UBE2Q2: variants seen among roughly 807,000 people sequenced by gnomAD.
UBE2Q2 encodes the protein ubiquitin-conjugating enzyme E2 Q2.
Under a neutral mutation model 59.9 loss-of-function variants are expected in UBE2Q2, and 54 were observed. The observed-to-expected ratio is 0.90, with a 90% CI of 0.72 to 1.13. UBE2Q2 has a LOEUF of 1.13. UBE2Q2 is among the 50% of genes most tolerant of loss of function. The pLI is 0.00. For missense variants in UBE2Q2, 433 were observed against 441.9 expected (o/e 0.98, Z 0.18); for synonymous variants, 165 against 155.2 (o/e 1.06, Z -0.47).
At chr15:75,854,880 CTGCAGTAAAA>C (rs1180089995) in intron 2 of UBE2Q2, among the ~76,000 whole-genome samples, 1 of 152,048 alleles carries the variant, frequency 6.6e-6, no homozygotes, top group Non-Finnish European at 1.5e-5. Context: ...GTCTGTAAGT[CTGCAGTAAAA>C]GAATAGAAAG....
intron 7 of UBE2Q2, among the ~76,000 whole-genome samples, chr15:75,878,888 T>TG (rs1374044139): frequency 1.3e-5 from 2 of 152,158 alleles, no homozygotes; most frequent in Non-Finnish European, 2.9e-5. Flanking sequence ...TAGAGTATTA[T>TG]GGTCTCTTTT....
intron 2 of UBE2Q2, among the ~76,000 whole-genome samples, chr15:75,855,464 C>T (rs1420547182): frequency 6.7e-6 from 1 of 149,756 alleles, no homozygotes; most frequent in Non-Finnish European, 1.5e-5. Flanking sequence ...ATACTCCAGC[C>T]TGGGTAACAG....
intron 3 of UBE2Q2, among the ~76,000 whole-genome samples, chr15:75,863,728 C>T (rs925761718): frequency 4.6e-5 from 7 of 151,876 alleles, no homozygotes; most frequent in African/African-American, 1.2e-4. Context: ...CTGCAGCCTC[C>T]GCTTCGTGGG....
intron 1 of UBE2Q2, among the ~76,000 whole-genome samples, chr15:75,850,944 A>C (rs1249294111): frequency 6.6e-6 from 1 of 152,246 alleles, no homozygotes; most frequent in Non-Finnish European, 1.5e-5. Flanking sequence ...AAGCCAAAAA[A>C]TAGAATAGTA....
chr15:75,859,588 C>T (rs916768080), intron 2 of UBE2Q2, among the ~76,000 whole-genome samples: 13 of 152,050 alleles, frequency 8.5e-5, no homozygotes, highest in East Asian at 1.9e-4. Context: ...TCTCAGAAAA[C>T]GGGTTAGCAG....
chr15:75,877,124 G>A lies in UBE2Q2; in HGVS notation c.674-837G>A, dbSNP rs890324262. ...TGTAGTGAGCCAAGATTGCACCACC[G>A]CACTCCAGCCTGGGCAGCAAGAGTG... On this transcript the variant is annotated intron_variant, in intron 6 of 12. Transcript: ENST00000267938. Among the ~76,000 whole-genome samples, 11 of 114,354 alleles carry A rather than the reference G, an allele frequency of 9.6e-5. No individual in the cohort carries two copies. In the East Asian group the frequency reaches 1.5e-3, roughly 16 times the overall value. 75.0% of individuals were successfully genotyped at this position (114,354 alleles called of 152,430 possible). A position where few individuals can be genotyped will look rare whatever the true frequency, so the allele number is the denominator to read the frequency against.
At chr15:75,847,208 C>T (rs866590234) in intron 1 of UBE2Q2, among the ~76,000 whole-genome samples, 14 of 152,214 alleles carry the variant, frequency 9.2e-5, no homozygotes, top group Middle Eastern at 3.4e-3. Flanking sequence ...GAGTATATAG[C>T]GCTATTCTAG....
rs1257440426 is a variant in UBE2Q2 at position 75,846,759 on chromosome 15, CTTG to C, written c.180+2916_180+2918del. On this transcript the variant is annotated intron_variant, in intron 1 of 12. Transcript: ENST00000267938. The stretch of plus-strand genomic sequence containing the variant: ...AATATTTGAATTCTACATGCTAGGA[CTTG>C]TTTTCTTTATACTTACCAAGAAACA... Among the ~76,000 whole-genome samples the C allele has an allele frequency of 2.0e-5, 3 of 152,292 alleles. No individual in the cohort carries two copies. The East Asian group carries it at 5.8e-4, about 29-fold the overall frequency.
chr15:75,873,826 G>T (rs758641991), intron 5 of UBE2Q2, among the ~76,000 whole-genome samples: 4 of 152,110 alleles, frequency 2.6e-5, no homozygotes, highest in Non-Finnish European at 5.9e-5. Flanking sequence ...CTCCCAAGTA[G>T]CTTGGACTAT....
In UBE2Q2 at chr15:75,859,889, A is replaced by G; in HGVS notation, c.294A>G (p.Gln98=). The G allele has an allele frequency of 6.3e-7, 1 of 1,591,700 alleles. No homozygotes were observed. Among genetic ancestry groups the G allele is most frequent in the Non-Finnish European group, 8.5e-7 (1 of 1,173,666 alleles). Residue 98 remains glutamine (Q), a synonymous_variant, in exon 3 of 13, where the codon CAA becomes CAG. Transcript: ENST00000267938. ...AATGTGTTTTGTAGCTTCGTCAGCA[A>G]TTGAAGTGGTTGATATGTGAACTCT... ...DTKNNNLLRQ[Q]LKWLICELCS...
intron 1 of UBE2Q2, among the ~76,000 whole-genome samples, chr15:75,845,464 G>C (rs1430879922): frequency 6.6e-6 from 1 of 152,212 alleles, no homozygotes; most frequent in Admixed American, 6.5e-5. Flanking sequence ...GGCCTGAATG[G>C]CTTCGAGGGT....
At chr15:75,886,245 G>C (rs947691406) in intron 9 of UBE2Q2, among the ~76,000 whole-genome samples, 1 of 151,912 alleles carries the variant, frequency 6.6e-6, no homozygotes, top group Non-Finnish European at 1.5e-5. Flanking sequence ...TCAGCCTCCT[G>C]AGTAGCTGGG....
At chr15:75,897,659 A>G (rs1426007549) in intron 12 of UBE2Q2, among the ~76,000 whole-genome samples, 2 of 151,154 alleles carry the variant, frequency 1.3e-5, no homozygotes, top group Non-Finnish European at 2.9e-5. Context: ...AATATTAGGA[A>G]CTGAGTTAAA....
Position 75,861,623 on chromosome 15 carries a change from T to C in UBE2Q2, c.387+1641T>C, listed in dbSNP as rs146752649. On this transcript the variant is annotated intron_variant, in intron 3 of 12. Coordinates refer to ENST00000267938, the MANE Select transcript of UBE2Q2 (RefSeq NM_173469.4). ...TAGACCTCTTGTCTTGAGTCTTGTA[T>C]CTCATATTATTTCTAAATTATTTTT... Among the ~76,000 whole-genome samples the C allele has an allele frequency of 2.1e-3, 322 of 152,376 alleles. 1 individual carries two copies. Among genetic ancestry groups the C allele is most frequent in the Non-Finnish European group, 4.2e-3 (283 of 68,040 alleles).
chr15:75,857,560 T>A (rs1896982190), intron 2 of UBE2Q2, among the ~76,000 whole-genome samples: 2 of 152,190 alleles, frequency 1.3e-5, no homozygotes, highest in African/African-American at 4.8e-5. Flanking sequence ...GCCTTCATCA[T>A]TGCACTAAAA....
At position 75,885,141 on chromosome 15, in the gene UBE2Q2, G is replaced by C. The variant is rs553350741; in HGVS notation, c.884+1717G>C. On this transcript the variant is annotated intron_variant, in intron 9 of 12. Coordinates refer to ENST00000267938, the MANE Select transcript of UBE2Q2 (RefSeq NM_173469.4). ...TGGGGTTTTTTTTTATTTGTTTTTT[G>C]AGACGGGGTCTCACTGTCACCAGGC... is the stretch of plus-strand genomic sequence containing the variant. 2.2e-4 allele frequency among the ~76,000 whole-genome samples: 33 copies of C among 150,940 alleles called. No homozygotes were observed. The South Asian group carries it at 6.9e-3, about 31-fold the overall frequency.
At chr15:75,869,554 A>G (rs550280845) in intron 4 of UBE2Q2, among the ~76,000 whole-genome samples, 1 of 152,298 alleles carries the variant, frequency 6.6e-6, no homozygotes, top group South Asian at 2.1e-4. Flanking sequence ...AGATACCAAC[A>G]TTGGGTGTCT....
intron 1 of UBE2Q2, among the ~76,000 whole-genome samples, chr15:75,848,476 G>A (rs1896470816): frequency 6.6e-6 from 1 of 152,138 alleles, no homozygotes; most frequent in Non-Finnish European, 1.5e-5. Flanking sequence ...GCACCTAAGT[G>A]GTACTTTCAT....
intron 1 of UBE2Q2, among the ~76,000 whole-genome samples, chr15:75,845,936 T>A (rs1896322163): frequency 6.6e-6 from 1 of 152,214 alleles, no homozygotes; most frequent in South Asian, 2.1e-4. Context: ...AGGACTAGTG[T>A]AATGGCACCC....
Sources: gnomAD v4.1 joint callset for allele counts (sites outside exome capture counted in the v4.1 genomes callset) on GRCh38, gnomAD v4.1.1 for gene constraint, MANE v1.5 for transcripts, NCBI Gene and HGNC (gene_info 2026-07-23, HGNC 2026-07-21) for gene names.